FAM193A: variants seen among roughly 807,000 people sequenced by gnomAD.
FAM193A encodes the protein protein FAM193A.
A neutral mutation model predicts 126.5 loss-of-function variants in FAM193A; 22 were observed. The observed-to-expected ratio is 0.17, with a 90% CI of 0.12 to 0.25. FAM193A has a LOEUF of 0.25. FAM193A is among the 10% of genes least tolerant of loss of function. The probability of loss-of-function intolerance (pLI) is 1.00; values close to 1 mark genes in which losing one functional copy is unlikely to be tolerated. For synonymous variants in FAM193A, 761 were observed against 646.8 expected (o/e 1.18, Z -2.68); for missense variants, 1,675 against 1,672.8 (o/e 1.00, Z -0.02).
intron 8 of FAM193A, among the ~76,000 whole-genome samples, chr4:2,659,202 C>G (rs1431092762): frequency 6.6e-6 from 1 of 152,194 alleles, no homozygotes; most frequent in African/African-American, 2.4e-5. Context: ...GACCCCTTGC[C>G]CTCCACGTGC....
Position 2,732,052 on chromosome 4 carries a change from G to T in FAM193A, c.*184G>T. ...CACGCCGTTAGCTCGTGTGCGTGTA[G>T]TCTGTGCGTGAGACTCCTTCGATTG... On this transcript the variant is annotated 3_prime_UTR_variant, in exon 21 of 21. Transcript: ENST00000637812. 1 of 618,948 alleles carries T rather than the reference G, an allele frequency of 1.6e-6. No homozygotes were observed. Among genetic ancestry groups the T allele is most frequent in the Non-Finnish European group, 2.9e-6 (1 of 344,418 alleles). The allele number at this position is 618,948 out of a possible 1,614,324, so 38.3% of individuals were successfully genotyped here. A position where few individuals can be genotyped will look rare whatever the true frequency, so the allele number is the denominator to read the frequency against.
chr4:2,581,084 G>GAT (rs1739898980), intron 1 of FAM193A, among the ~76,000 whole-genome samples: 1 of 151,274 alleles, frequency 6.6e-6, no homozygotes, highest in Non-Finnish European at 1.5e-5. Context: ...AGCTGAGATT[G>GAT]CGCCACTGCA....
intron 13 of FAM193A, among the ~76,000 whole-genome samples, chr4:2,672,898 C>T (rs1713983221): frequency 6.6e-6 from 1 of 152,172 alleles, no homozygotes; most frequent in Non-Finnish European, 1.5e-5. Context: ...GGTGATGGAG[C>T]ACTGGGGAGG....
In FAM193A at chr4:2,673,796, ATAAG is replaced by A. The variant is rs918081480; in HGVS notation, c.2331+1429_2331+1432del. On this transcript the variant is annotated intron_variant, in intron 13 of 20. Coordinates refer to ENST00000637812, the MANE Select transcript of FAM193A (RefSeq NM_001366318.2). Reference sequence around the variant, plus strand: ...GCTATTCAAGAATTAGTTCCGAAAAATAAGTAAGATAGTAAAATTGATTATTACT... The same window carrying A: ...GCTATTCAAGAATTAGTTCCGAAAAATAAGATAGTAAAATTGATTATTACT... Among the ~76,000 whole-genome samples, 5 of 152,324 alleles carry A rather than the reference ATAAG, an allele frequency of 3.3e-5. No individual in the cohort carries two copies. The South Asian group carries it at 6.2e-4, about 19-fold the overall frequency.
At chr4:2,575,815 G>A (rs913444083) in intron 1 of FAM193A, among the ~76,000 whole-genome samples, 3 of 152,070 alleles carry the variant, frequency 2.0e-5, no homozygotes, top group Non-Finnish European at 2.9e-5. Flanking sequence ...TGCCCTTCAC[G>A]AGTACACACC....
rs535851245 is a variant in FAM193A at position 2,700,901 on chromosome 4, A to G, written c.4372+357A>G. ...AATCGCTTGAACCCAGGAGGCAGAG[A>G]TTGCAGTGAGCCAAGATCATGCCGT... On this transcript the variant is annotated intron_variant, in intron 19 of 20. Transcript: ENST00000637812. Among the ~76,000 whole-genome samples, 49 of 152,184 alleles carry G rather than the reference A, an allele frequency of 3.2e-4. 2 individuals carry two copies. The highest frequency in any genetic ancestry group is 3.2e-3 in the Admixed American group (49 of 15,288).
chr4:2,557,157 T>G (rs894944338), intron 1 of FAM193A, among the ~76,000 whole-genome samples: 2 of 152,158 alleles, frequency 1.3e-5, no homozygotes, highest in African/African-American at 4.8e-5. Flanking sequence ...ATAACAGTAA[T>G]AGGACAATTA....
chr4:2,704,049 C>T (rs921357971), intron 19 of FAM193A, among the ~76,000 whole-genome samples: 8 of 151,580 alleles, frequency 5.3e-5, no homozygotes, highest in South Asian at 2.1e-4. Flanking sequence ...AGGCGGATCA[C>T]GAGGTCAGGA....
At chr4:2,592,116 A>G (rs1332898809) in intron 1 of FAM193A, among the ~76,000 whole-genome samples, 1 of 151,532 alleles carries the variant, frequency 6.6e-6, no homozygotes, top group South Asian at 2.1e-4. Context: ...TTTGAGATGG[A>G]GTATTGCTCT....
chr4:2,656,597 A>G (rs1218394153), intron 7 of FAM193A, among the ~76,000 whole-genome samples: 4 of 152,104 alleles, frequency 2.6e-5, no homozygotes, highest in Admixed American at 2.6e-4. Context: ...GGGCATGGGT[A>G]GCGAAGGCCA....
intron 6 of FAM193A, among the ~76,000 whole-genome samples, chr4:2,643,292 A>G (rs891066208): frequency 5.3e-5 from 8 of 152,186 alleles, no homozygotes; most frequent in Admixed American, 3.9e-4. Flanking sequence ...AAATTTTGCT[A>G]CTGATTACAT....
At chr4:2,714,086 C>T (rs1719287559) in intron 19 of FAM193A, among the ~76,000 whole-genome samples, 1 of 152,254 alleles carries the variant, frequency 6.6e-6, no homozygotes, top group African/African-American at 2.4e-5. Context: ...TCTTTTTCCT[C>T]CTCAAGTTGG....
intron 1 of FAM193A, among the ~76,000 whole-genome samples, chr4:2,567,244 G>A (rs967298265): frequency 2.8e-5 from 4 of 143,078 alleles, no homozygotes; most frequent in Admixed American, 6.7e-5. Flanking sequence ...CACCACGCCC[G>A]GCCTGAGCCA....
intron 1 of FAM193A, among the ~76,000 whole-genome samples, chr4:2,588,653 TC>T (rs1229629807): frequency 6.6e-6 from 1 of 152,160 alleles, no homozygotes; most frequent in East Asian, 1.9e-4. Flanking sequence ...ACCTACCTAT[TC>T]CATGTGTTGT....
chr4:2,605,478 G>A (rs1401026466), intron 2 of FAM193A, among the ~76,000 whole-genome samples: 1 of 152,106 alleles, frequency 6.6e-6, no homozygotes, highest in East Asian at 1.9e-4. Flanking sequence ...TATTTTCATT[G>A]CTAGATGCCA....
At chr4:2,695,602 T>C (rs951766653) in intron 17 of FAM193A, among the ~76,000 whole-genome samples, 2 of 152,232 alleles carry the variant, frequency 1.3e-5, no homozygotes, top group Admixed American at 1.3e-4. Flanking sequence ...ATAGTTGTTC[T>C]TTTTCTGCTT....
chr4:2,663,330 G>T (rs755230274), intron 12 of FAM193A, 42 bp downstream of exon 12: 2 of 1,476,878 alleles, frequency 1.4e-6, no homozygotes, highest in Non-Finnish European at 1.8e-6. Context: ...CTCTTTTTCT[G>T]TGTGTATTTT....
intron 2 of FAM193A, among the ~76,000 whole-genome samples, chr4:2,621,134 G>A (rs1368803764): frequency 6.6e-6 from 1 of 152,074 alleles, no homozygotes; most frequent in Non-Finnish European, 1.5e-5. Flanking sequence ...GCTGCCTCAG[G>A]GTAAGAGCAA....
At chr4:2,596,481 C>T (rs1217216776) in intron 2 of FAM193A, among the ~76,000 whole-genome samples, 152 bp downstream of exon 2, 3 of 152,222 alleles carry the variant, frequency 2.0e-5, no homozygotes, top group Non-Finnish European at 4.4e-5. Flanking sequence ...GTACGTTCCT[C>T]CTGGTCTTCC....
Sources: allele counts gnomAD v4.1 joint callset (sites outside exome capture counted in the v4.1 genomes callset), GRCh38; gene constraint gnomAD v4.1.1; transcripts MANE v1.5; gene names NCBI Gene and HGNC (gene_info 2026-07-23, HGNC 2026-07-21).